Variants in ADGRF5 observed in about 807,000 individuals in gnomAD.
The protein encoded by ADGRF5 is adhesion G protein-coupled receptor F5.
A neutral mutation model predicts 132.3 loss-of-function variants in ADGRF5; 75 were observed. That is an observed-to-expected ratio of 0.57 (90% CI 0.47 to 0.69). ADGRF5 has a LOEUF of 0.69. Among genes scored for constraint, ADGRF5 ranks in the 30% least tolerant of loss-of-function variants. ADGRF5 has a pLI of 0.00. For missense variants in ADGRF5, 1,516 were observed against 1,630.6 expected (o/e 0.93, Z 1.21); for synonymous variants, 629 against 597.6 (o/e 1.05, Z -0.77).
chr6:46,954,774 C>T (rs1424481578), exon 1 of ADGRF5: 1 of 152,190 alleles, frequency 6.6e-6, no homozygotes, highest in African/African-American at 2.4e-5. Flanking sequence ...AATTTAACAC[C>T]TTACTGCTGA....
At chr6:46,884,587 A>G (rs1772850907) in intron 4 of ADGRF5, among the ~76,000 whole-genome samples, 1 of 152,232 alleles carries the variant, frequency 6.6e-6, no homozygotes, top group African/African-American at 2.4e-5. Context: ...CTAGCCTCCA[A>G]GATGACCTTT....
At chr6:46,891,679 C>CACAAT (rs1773656745) in intron 3 of ADGRF5, among the ~76,000 whole-genome samples, 1 of 152,168 alleles carries the variant, frequency 6.6e-6, no homozygotes, top group Non-Finnish European at 1.5e-5. Flanking sequence ...TCAGTCACAA[C>CACAAT]TGAAGAACAA....
Position 46,858,427 on chromosome 6 carries a change from T to C in ADGRF5, c.3476A>G (p.Lys1159Arg), listed in dbSNP as rs1581720657. The C allele has an allele frequency of 6.2e-7, 1 of 1,613,908 alleles. No individual in the cohort carries two copies. Among genetic ancestry groups the C allele is most frequent in the Non-Finnish European group, 8.5e-7 (1 of 1,179,854 alleles). Reference protein sequence around the residue: ...ATQPREVYTRKNVCWLNWEDT... With the variant: ...ATQPREVYTRRNVCWLNWEDT... ...CTCCCAGTTGAGCCAACAGACATTC[T>C]TCCTCGTATAGACTTCCCGGGGCTG... Residue 1159 changes from lysine (K) to arginine (R), a missense_variant, in exon 17 of 21, where the codon AAG becomes AGG. Coordinates refer to ENST00000283296, the MANE Select transcript of ADGRF5 (RefSeq NM_001098518.2).
At chr6:46,895,735 C>T (rs1774114059) in intron 3 of ADGRF5, among the ~76,000 whole-genome samples, 1 of 151,450 alleles carries the variant, frequency 6.6e-6, no homozygotes, top group African/African-American at 2.4e-5. Context: ...CAAGACACGC[C>T]CCTTCTGTCA....
At chr6:46,928,672 T>C (rs1234782164) in intron 1 of ADGRF5, among the ~76,000 whole-genome samples, 1 of 152,100 alleles carries the variant, frequency 6.6e-6, no homozygotes, top group African/African-American at 2.4e-5. Flanking sequence ...GAGGTCTGAG[T>C]CTCAATTGCT....
At chr6:46,919,982 T>A (rs1212019086) in intron 1 of ADGRF5, among the ~76,000 whole-genome samples, 1 of 152,178 alleles carries the variant, frequency 6.6e-6, no homozygotes, top group East Asian at 1.9e-4. Context: ...GGCCACCTTT[T>A]TACAGAAGAC....
At chr6:46,915,930 C>G (rs1776380615) in intron 1 of ADGRF5, among the ~76,000 whole-genome samples, 1 of 152,114 alleles carries the variant, frequency 6.6e-6, no homozygotes, top group Admixed American at 6.6e-5. Context: ...ATGGCCTCCT[C>G]CTCTGCAGCG....
chr6:46,872,141 A>G (rs2150813843), intron 10 of ADGRF5, 128 bp from the exon 11 acceptor site: 3 of 664,068 alleles, frequency 4.5e-6, no homozygotes. Flanking sequence ...TGAATGGAGA[A>G]GTTGGGTTTA....
chr6:46,897,060 C>G (rs1276371995), intron 3 of ADGRF5, among the ~76,000 whole-genome samples: 2 of 149,682 alleles, frequency 1.3e-5, no homozygotes, highest in Non-Finnish European at 3.0e-5. Context: ...CCATGGATAC[C>G]AAGGGAAGGA....
At chr6:46,924,729 T>TGGG (rs1777165328), upstream of ADGRF5, among the ~76,000 whole-genome samples, 1 of 152,212 alleles carries the variant, frequency 6.6e-6, no homozygotes, top group Non-Finnish European at 1.5e-5. Context: ...AAACTAGCTA[T>TGGG]ACCATCAGTC....
At chr6:46,871,570 A>C (rs1771063115) in intron 11 of ADGRF5, among the ~76,000 whole-genome samples, 1 of 152,060 alleles carries the variant, frequency 6.6e-6, no homozygotes, top group Admixed American at 6.6e-5. Flanking sequence ...TTCCCACTCC[A>C]CCTCCTGCAT....
intron 14 of ADGRF5, among the ~76,000 whole-genome samples, 181 bp downstream of exon 14, chr6:46,864,861 C>T (rs1483901163): frequency 6.6e-6 from 1 of 152,172 alleles, no homozygotes; most frequent in Non-Finnish European, 1.5e-5. Context: ...CTTCCCTAGG[C>T]TTGAGGCCAG....
intron 1 of ADGRF5, among the ~76,000 whole-genome samples, chr6:46,952,501 A>G (rs571067413): frequency 6.6e-6 from 1 of 152,340 alleles, no homozygotes; most frequent in South Asian, 2.1e-4. Context: ...GCTGTCACAT[A>G]GATGTAAAGA....
chr6:46,945,823 A>T (rs1326248361), intron 1 of ADGRF5, among the ~76,000 whole-genome samples: 1 of 152,230 alleles, frequency 6.6e-6, no homozygotes, highest in African/African-American at 2.4e-5. Context: ...GAGGCCTCAC[A>T]ATCATGGTGT....
At chr6:46,942,254 C>T (rs1027905344) in intron 1 of ADGRF5, among the ~76,000 whole-genome samples, 1 of 152,170 alleles carries the variant, frequency 6.6e-6, no homozygotes, top group African/African-American at 2.4e-5. Flanking sequence ...TGTGATACTG[C>T]CACCTCACAC....
At chr6:46,919,101 T>A (rs2150921758) in intron 1 of ADGRF5, among the ~76,000 whole-genome samples, 1 of 152,354 alleles carries the variant, frequency 6.6e-6, no homozygotes, top group South Asian at 2.1e-4. Flanking sequence ...CTTGCTAATA[T>A]CTGGACAAAG....
At chr6:46,888,076 G>T in intron 4 of ADGRF5, 1 of 316,930 alleles carries the variant, frequency 3.2e-6, no homozygotes, top group Non-Finnish European at 5.6e-6. Flanking sequence ...GCCATATCTT[G>T]GGATCACTTT....
chr6:46,931,262 C>T (rs1777544227), intron 1 of ADGRF5, among the ~76,000 whole-genome samples: 1 of 152,090 alleles, frequency 6.6e-6, no homozygotes. Flanking sequence ...TTTCTCTTTC[C>T]CCTCATTTAC....
chr6:46,883,992 T>C, intron 5 of ADGRF5, 103 bp downstream of exon 5: 1 of 953,472 alleles, frequency 1.0e-6, no homozygotes, highest in Non-Finnish European at 1.6e-6. Context: ...TCCATCCACA[T>C]CGGACTATCA....
Sources: gnomAD v4.1 joint callset for allele counts (sites outside exome capture counted in the v4.1 genomes callset) on GRCh38, gnomAD v4.1.1 for gene constraint, MANE v1.5 for transcripts, NCBI Gene and HGNC (gene_info 2026-07-23, HGNC 2026-07-21) for gene names.